The following POLRMT variants were observed in gnomAD, a reference collection of about 807,000 sequenced individuals.
The protein encoded by POLRMT is RNA polymerase mitochondrial, also known as DNA-directed RNA polymerase, mitochondrial.
A neutral mutation model predicts 132.2 loss-of-function variants in POLRMT; 114 were observed. The ratio of observed to expected loss-of-function variants is 0.86; its 90% CI spans 0.74 to 1.01. The LOEUF (loss-of-function observed/expected upper bound fraction) is 1.01, where lower values mean the gene tolerates loss of function less well. POLRMT is among the 50% of genes least tolerant of loss of function. The pLI is 0.00. For synonymous variants in POLRMT, 1,020 were observed against 773.4 expected, an observed-to-expected ratio of 1.32 and a Z score of -5.29; for missense variants, 2,003 against 1,729.1, an observed-to-expected ratio of 1.16 and a Z score of -2.81.
In POLRMT at chr19:621,346, C is replaced by T. The variant is rs899306102; in HGVS notation, c.2352G>A (p.Ser784=). ...SLRAEALYRL[S]LAQHLRDRVF... ...CGCGGTCCCGCAGGTGCTGCGCCAG[C>T]GAGAGGCGGTACAGCGCCTCCGCCC... Residue 784 remains serine (S), a synonymous_variant, in exon 10 of 21, where the codon TCG becomes TCA. Coordinates refer to ENST00000588649, the MANE Select transcript of POLRMT (RefSeq NM_005035.4). 2.1e-5 allele frequency: 33 copies of T among 1,584,270 alleles called. No homozygotes were observed. The highest frequency in any genetic ancestry group is 8.6e-5 in the Admixed American group (5 of 57,852).
rs1380078867 is a variant in POLRMT, at chr19:617,222, C to G, written c.*52G>C. The G allele has an allele frequency of 6.3e-7, 1 of 1,596,596 alleles. No individual in the cohort carries two copies. Reference sequence around the variant, plus strand: ...TGCACCCTTCCTGAAGACAGTGGCTCCTGGGGGTGGCAAAAGAGCTTTATT... The same window carrying G: ...TGCACCCTTCCTGAAGACAGTGGCTGCTGGGGGTGGCAAAAGAGCTTTATT... On this transcript the variant is annotated 3_prime_UTR_variant, in exon 21 of 21. Transcript: ENST00000588649.
At chr19:618,674 G>C in intron 16 of POLRMT, 31 bp downstream of exon 16, 2 of 1,605,056 alleles carry the variant, frequency 1.2e-6, no homozygotes, top group Non-Finnish European at 1.7e-6. Flanking sequence ...CCAGACCCCC[G>C]GCCAGGCCCC....
chr19:620,113 C>A (rs1464715257), intron 11 of POLRMT, 33 bp from the exon 12 acceptor site: 2 of 1,534,002 alleles, frequency 1.3e-6, no homozygotes, highest in Non-Finnish European at 1.7e-6. Context: ...GAGATGGAAG[C>A]TAGAGAGGCA....
chr19:626,888 C>T (rs912818353), intron 3 of POLRMT, among the ~76,000 whole-genome samples: 47 of 141,146 alleles, frequency 3.3e-4, no homozygotes, highest in African/African-American at 1.2e-3. Context: ...TTAAAATATA[C>T]ACACACACAC....
Position 624,624 on chromosome 19 carries a change from G to A in POLRMT, c.1140+95C>T, listed in dbSNP as rs375089246. On this transcript the variant is annotated intron_variant, in intron 5 of 20. Coordinates refer to ENST00000588649, the MANE Select transcript of POLRMT (RefSeq NM_005035.4). ...AGGGCCCAGCCCAGGTGAGCCCTGG[G>A]CACCGGGGAGGCCCATTGGTCTGAG... The A allele has an allele frequency of 8.4e-5, 116 of 1,387,190 alleles. No homozygotes were observed. In the African/African-American group the frequency reaches 9.7e-4, roughly 12 times the overall value. The allele number at this position is 1,387,190 out of a possible 1,614,324, so 85.9% of individuals were successfully genotyped here.
In POLRMT at chr19:630,160, C is replaced by T. The variant is rs917382820; in HGVS notation, c.202G>A (p.Ala68Thr). Reference protein sequence around the residue: ...GHVELLEVLQARVRQLQAESV... With the variant: ...GHVELLEVLQTRVRQLQAESV... Reference sequence around the variant, plus strand: ...TCAGCCTGCAGCTGCCGCACCCGCGCCTGGAGCACTGTGAGGGGCAGAAGG... The same window carrying T: ...TCAGCCTGCAGCTGCCGCACCCGCGTCTGGAGCACTGTGAGGGGCAGAAGG... The change falls in exon 3 of 21, where the codon GCG becomes ACG. Residue 68 changes from alanine (A) to threonine (T), a missense_variant. Ala to Thr is a moderately conservative substitution (Grantham distance 58). Transcript: ENST00000588649. The T allele has an allele frequency of 6.3e-7, 1 of 1,593,114 alleles. No homozygotes were observed. The highest frequency in any genetic ancestry group is 8.6e-7 in the Non-Finnish European group (1 of 1,168,148).
In POLRMT at chr19:622,201, G is replaced by A. The variant is rs749713903; in HGVS notation, c.1799C>T (p.Ser600Phe). The A allele has an allele frequency of 1.4e-5, 22 of 1,584,676 alleles. No homozygotes were observed. The highest frequency in any genetic ancestry group is 1.8e-5 in the Admixed American group (1 of 56,994). ...PCSLDKPHRS[S>F]RLVPVLYHVY... ...GTGGTAGAGCACGGGGACAAGCCGAGAGGAACGATGCGGCTTGTCCAGGCT... is the reference window on the plus strand; with the variant it reads ...GTGGTAGAGCACGGGGACAAGCCGAAAGGAACGATGCGGCTTGTCCAGGCT... Residue 600 changes from serine (S) to phenylalanine (F), a missense_variant, in exon 9 of 21, where the codon TCT becomes TTT. Ser to Phe is a radical substitution (Grantham distance 155). Coordinates refer to ENST00000588649, the MANE Select transcript of POLRMT (RefSeq NM_005035.4).
intron 3 of POLRMT, among the ~76,000 whole-genome samples, chr19:628,123 C>T (rs1352479505): frequency 6.6e-6 from 1 of 152,148 alleles, no homozygotes; most frequent in Non-Finnish European, 1.5e-5. Flanking sequence ...CTGGGAGAGG[C>T]AGGAGGGGCC....
At position 629,560 on chromosome 19, in the gene POLRMT, T is replaced by G; in HGVS notation, c.802A>C (p.Met268Leu). The G allele has an allele frequency of 6.5e-7, 1 of 1,543,708 alleles. No individual in the cohort carries two copies. The highest frequency in any genetic ancestry group is 8.7e-7 in the Non-Finnish European group (1 of 1,144,298). Reference sequence around the variant, plus strand: ...CTCACCTGCCGCGCCCAGCCAAGCATCACGGCGTTGTACATGTCCAGCGTG... The same window carrying G: ...CTCACCTGCCGCGCCCAGCCAAGCAGCACGGCGTTGTACATGTCCAGCGTG... ...LLTLDMYNAV[M>L]LGWARQGAFK... Residue 268 changes from methionine to leucine, a missense_variant, in exon 3 of 21, where the codon ATG becomes CTG. By Grantham distance (15) the Met-to-Leu change is conservative (BLOSUM62 2). Transcript: ENST00000588649.
rs1161853628 is a variant in POLRMT at position 621,150 on chromosome 19, C to T, written c.2548G>A (p.Gly850Arg). Residue 850 changes from glycine to arginine, a missense_variant, in exon 10 of 21, where the codon GGG becomes AGG. Gly to Arg is a moderately radical substitution (Grantham distance 125). Transcript: ENST00000588649. ...CGCAGCGGCTCCCGCTTCTTCAACCCCGTGAGATTGACCAGGTGGATCTTG... is the reference window on the plus strand; with the variant it reads ...CGCAGCGGCTCCCGCTTCTTCAACCTCGTGAGATTGACCAGGTGGATCTTG... ...WLKIHLVNLT[G>R]LKKREPLRKR... The T allele has an allele frequency of 2.5e-6, 4 of 1,610,944 alleles. No individual in the cohort carries two copies. Among genetic ancestry groups the T allele is most frequent in the Non-Finnish European group, 3.4e-6 (4 of 1,178,762 alleles).
chr19:617,861 CGGA>C lies in POLRMT; in HGVS notation c.3423-15_3423-13del, dbSNP rs1265141539. On this transcript the variant is annotated splice_polypyrimidine_tract_variant and intron_variant, in intron 17 of 20. Coordinates refer to ENST00000588649, the MANE Select transcript of POLRMT (RefSeq NM_005035.4). Reference sequence around the variant, plus strand: ...AGGTCAGGCCCTTCCTGTGGCAGAGCGGAGGACTCCTGAAGGGAGGGGAGCTCA... The same window carrying C: ...AGGTCAGGCCCTTCCTGTGGCAGAGCGGACTCCTGAAGGGAGGGGAGCTCA... 3 of 1,612,494 alleles carry C rather than the reference CGGA, an allele frequency of 1.9e-6. No homozygotes were observed. In the East Asian group the frequency reaches 6.7e-5, roughly 36 times the overall value.
chr19:620,592 C>G lies in POLRMT; in HGVS notation c.2641-105G>C. ...GGGAAATGGGGAGGAGACGCACACC[C>G]GTGATAGTGAACACGGGACGCATGT... On this transcript the variant is annotated intron_variant, in intron 10 of 20. Transcript: ENST00000588649. 14 of 1,355,310 alleles carry G rather than the reference C, an allele frequency of 1.0e-5. No homozygotes were observed. The South Asian group carries it at 1.8e-4, about 18-fold the overall frequency. 84.0% of individuals were successfully genotyped at this position (1,355,310 alleles called of 1,614,324 possible). A position where few individuals can be genotyped will look rare whatever the true frequency, so the allele number is the denominator to read the frequency against.
intron 2 of POLRMT, among the ~76,000 whole-genome samples, chr19:632,542 G>T (rs1455047196): frequency 1.3e-5 from 2 of 151,772 alleles, no homozygotes; most frequent in Admixed American, 6.6e-5. Context: ...GGGCCGGGGG[G>T]GGGGTCTCTC....
At chr19:617,681 G>A (rs776313032) in intron 18 of POLRMT, 26 bp from the exon 19 acceptor site, 4 of 1,612,184 alleles carry the variant, frequency 2.5e-6, no homozygotes, top group African/African-American at 1.3e-5. Context: ...AGGATCCCCA[G>A]GGGTGATCAG....
At chr19:620,537 G>C in intron 10 of POLRMT, 50 bp from the exon 11 acceptor site, 1 of 1,480,418 alleles carries the variant, frequency 6.8e-7, no homozygotes, top group Non-Finnish European at 9.0e-7. Context: ...CGATCCCTGA[G>C]CCCGCTGGGA....
rs1212705266 is a variant in POLRMT at position 629,596 on chromosome 19, G to A, written c.766C>T (p.Arg256Trp). 1.0e-5 allele frequency: 16 copies of A among 1,599,804 alleles called. No homozygotes were observed. The highest frequency in any genetic ancestry group is 5.4e-5 in the African/African-American group (4 of 74,402). Residue 256 changes from arginine to tryptophan, a missense_variant, in exon 3 of 21, where the codon CGG becomes TGG. Physicochemically the swap from Arg to Trp is moderately radical, Grantham distance 101. Transcript: ENST00000588649. ...TACATGTCCAGCGTGAGCAGCTTCC[G>A]CTTCTGCCGCTGGCCGTGGTGGACG... ...LVVHHGQRQK[R>W]KLLTLDMYNA...
chr19:633,341 G>A (rs777766850), intron 1 of POLRMT, 84 bp downstream of exon 1: 16 of 1,369,476 alleles, frequency 1.2e-5, no homozygotes, highest in African/African-American at 7.7e-5. Flanking sequence ...AGAGGCAAAG[G>A]TCAAAGCGCC....
Position 630,017 on chromosome 19 carries a change from G to C in POLRMT, c.345C>G (p.Thr115=). 6.2e-7 allele frequency: 1 copy of C among 1,613,814 alleles called. No homozygotes were observed. The highest frequency in any genetic ancestry group is 8.5e-7 in the Non-Finnish European group (1 of 1,180,028). ...RKVQMGAKDA[T]PVPCGRWAKI... ...TTGCCCAGCGGCCACAGGGCACCGGGGTGGCATCCTTGGCCCCCATCTGGA... is the reference window on the plus strand; with the variant it reads ...TTGCCCAGCGGCCACAGGGCACCGGCGTGGCATCCTTGGCCCCCATCTGGA... The change falls in exon 3 of 21, where the codon ACC becomes ACG. Residue 115 remains threonine (T), a synonymous_variant. Transcript: ENST00000588649.
At chr19:627,777 T>C (rs1211696481) in intron 3 of POLRMT, among the ~76,000 whole-genome samples, 1 of 151,228 alleles carries the variant, frequency 6.6e-6, no homozygotes, top group African/African-American at 2.4e-5. Context: ...ATACAAAAAT[T>C]GGCCGGGCGT....
Sources: gnomAD v4.1 joint callset for allele counts (sites outside exome capture counted in the v4.1 genomes callset) on GRCh38, gnomAD v4.1.1 for gene constraint, MANE v1.5 for transcripts, NCBI Gene and HGNC (gene_info 2026-07-23, HGNC 2026-07-21) for gene names.